Variants in ATXN1 observed in about 807,000 individuals in gnomAD.
ATXN1 encodes the protein ataxin-1.
In ATXN1, 8 loss-of-function variants were observed where a neutral mutation model predicts 56.4. The observed-to-expected ratio is 0.14, with a 90% CI of 0.08 to 0.26. The LOEUF is 0.26. Among genes scored for constraint, ATXN1 ranks in the 10% least tolerant of loss-of-function variants. The pLI, the probability that ATXN1 is intolerant of heterozygous loss-of-function variation, is 1.00. For missense variants in ATXN1, 987 were observed against 1,106.5 expected (o/e 0.89, Z 1.53); for synonymous variants, 514 against 494.6 (o/e 1.04, Z -0.52).
chr6:16,318,425 G>A (rs988384608), intron 7 of ATXN1, among the ~76,000 whole-genome samples: 1 of 152,136 alleles, frequency 6.6e-6, no homozygotes, highest in Non-Finnish European at 1.5e-5. Flanking sequence ...TTTACCTGTA[G>A]AGAAAGGCCG....
intron 5 of ATXN1, among the ~76,000 whole-genome samples, chr6:16,508,518 T>C (rs933902366): frequency 6.6e-6 from 1 of 152,188 alleles, no homozygotes; most frequent in African/African-American, 2.4e-5. Context: ...GCTGCAGGCC[T>C]GAAGACTCAA....
chr6:16,392,784 T>A (rs1172479786), intron 6 of ATXN1, among the ~76,000 whole-genome samples: 1 of 152,112 alleles, frequency 6.6e-6, no homozygotes, highest in Non-Finnish European at 1.5e-5. Flanking sequence ...GCATGAGCCA[T>A]CGCACACGAC....
chr6:16,414,789 T>C (rs1053022426), intron 6 of ATXN1, among the ~76,000 whole-genome samples: 8 of 152,250 alleles, frequency 5.3e-5, no homozygotes, highest in African/African-American at 2.4e-5. Flanking sequence ...AAAGAGAATA[T>C]GGCCTTTGTC....
chr6:16,539,794 G>A (rs1761676005), intron 4 of ATXN1, among the ~76,000 whole-genome samples: 1 of 152,016 alleles, frequency 6.6e-6, no homozygotes, highest in Admixed American at 6.6e-5. Context: ...ATCAATACAG[G>A]ACACCTCTGC....
chr6:16,749,561 GT>G (rs1307182699), intron 2 of ATXN1, among the ~76,000 whole-genome samples: 1 of 152,152 alleles, frequency 6.6e-6, no homozygotes, highest in Non-Finnish European at 1.5e-5. Context: ...TCAGCACTGA[GT>G]TTCCAAGGTG....
At chr6:16,618,368 T>C (rs1429876540) in intron 3 of ATXN1, among the ~76,000 whole-genome samples, 2 of 152,210 alleles carry the variant, frequency 1.3e-5, no homozygotes, top group African/African-American at 2.4e-5. Context: ...CTATGGCACA[T>C]GTATACCTAT....
chr6:16,573,780 T>C (rs1762373719), intron 4 of ATXN1, among the ~76,000 whole-genome samples: 1 of 152,214 alleles, frequency 6.6e-6, no homozygotes, highest in African/African-American at 2.4e-5. Context: ...CTTTTGTCCC[T>C]GCTGCCACTG....
intron 3 of ATXN1, among the ~76,000 whole-genome samples, chr6:16,639,913 G>A (rs1397949578): frequency 6.6e-6 from 1 of 152,080 alleles, no homozygotes; most frequent in African/African-American, 2.4e-5. Flanking sequence ...TCCAACAGTA[G>A]GCATCACATG....
intron 4 of ATXN1, among the ~76,000 whole-genome samples, chr6:16,572,593 A>C (rs1762352130): frequency 6.6e-6 from 1 of 152,174 alleles, no homozygotes. Flanking sequence ...TCGTGAAATA[A>C]GTGATGAAAA....
At chr6:16,554,589 T>C (rs1011194842) in intron 4 of ATXN1, among the ~76,000 whole-genome samples, 1 of 152,156 alleles carries the variant, frequency 6.6e-6, no homozygotes, top group African/African-American at 2.4e-5. Context: ...GTAGCTGAGA[T>C]TACAGGCGCC....
chr6:16,684,307 G>C (rs114480336), intron 2 of ATXN1, among the ~76,000 whole-genome samples: 245 of 152,286 alleles, frequency 1.6e-3, no homozygotes, highest in Non-Finnish European at 2.8e-3. Context: ...CAAGGATGAT[G>C]TTTTCTAGGG....
At position 16,327,705 on chromosome 6, in the gene ATXN1, C is replaced by CTGA. The variant is rs1760866016; in HGVS notation, c.605_606insTCA (p.Gln201_Gln202insHis). 3.7e-6 allele frequency: 6 copies of CTGA among 1,601,178 alleles called. No homozygotes were observed. Among genetic ancestry groups the CTGA allele is most frequent in the African/African-American group, 2.7e-5 (2 of 74,140 alleles). The stretch of plus-strand genomic sequence containing the variant: ...GCTGATGCTGCTGCTGCTGCTGCTG[C>CTGA]TGCTGCTGCTGCTGCTGCTCAGCCT... On this transcript the variant is annotated inframe_insertion, in exon 7 of 8. Coordinates refer to ENST00000436367, the MANE Select transcript of ATXN1 (RefSeq NM_001128164.2).
intron 6 of ATXN1, among the ~76,000 whole-genome samples, chr6:16,420,361 G>T (rs1006267030): frequency 6.6e-6 from 1 of 152,168 alleles, no homozygotes; most frequent in East Asian, 1.9e-4. Context: ...TGCATTTACT[G>T]TCTGTATCAC....
chr6:16,308,322 T>TCTCTCA (rs1243206488), intron 7 of ATXN1, among the ~76,000 whole-genome samples: 3 of 132,650 alleles, frequency 2.3e-5, no homozygotes, highest in East Asian at 2.6e-4. Context: ...TGAAACTCCG[T>TCTCTCA]CACACACACA....
chr6:16,720,197 G>A (rs954306069), intron 2 of ATXN1, among the ~76,000 whole-genome samples: 1 of 152,052 alleles, frequency 6.6e-6, no homozygotes, highest in African/African-American at 2.4e-5. Context: ...ATACCTTACT[G>A]CAGTCTCTGT....
At chr6:16,408,669 C>A (rs113812627) in intron 6 of ATXN1, among the ~76,000 whole-genome samples, 1,595 of 152,222 alleles carry the variant, frequency 0.01, 19 homozygotes, top group African/African-American at 0.035. Context: ...AATTGAAAAA[C>A]ATTTGACATT....
chr6:16,443,905 A>G (rs1344418239), intron 6 of ATXN1, among the ~76,000 whole-genome samples: 3 of 152,148 alleles, frequency 2.0e-5, no homozygotes, highest in Non-Finnish European at 2.9e-5. Flanking sequence ...TCACAAGGTC[A>G]GGAGATCGAG....
In ATXN1 at chr6:16,327,569, C is replaced by T. The variant is rs771629323; in HGVS notation, c.742G>A (p.Val248Ile). ...SPPPAQQNQYVHISSSPQNTG... is the reference protein window; with the variant it reads ...SPPPAQQNQYIHISSSPQNTG... ...TTCTGCGGAGAACTGGAAATGTGGA[C>T]GTACTGGTTCTGCTGGGCTGGTGGG... The change falls in exon 7 of 8, where the codon GTC becomes ATC. Residue 248 changes from valine (V) to isoleucine (I), a missense_variant. Val to Ile is a conservative substitution (Grantham distance 29, BLOSUM62 3). Around this residue, in one of 3 missense-constraint regions of ATXN1, gnomAD observed 723 missense variants for 791.7 expected, o/e 0.91. Coordinates refer to ENST00000436367, the MANE Select transcript of ATXN1 (RefSeq NM_001128164.2). 1.2e-5 allele frequency: 20 copies of T among 1,602,790 alleles called. No homozygotes were observed. Among genetic ancestry groups the T allele is most frequent in the African/African-American group, 2.7e-5 (2 of 74,664 alleles).
At chr6:16,695,914 T>C (rs994251298) in intron 2 of ATXN1, among the ~76,000 whole-genome samples, 3 of 152,184 alleles carry the variant, frequency 2.0e-5, no homozygotes, top group African/African-American at 7.2e-5. Flanking sequence ...CAGTGAGCTA[T>C]GATGGCACCA....
Sources: allele counts gnomAD v4.1 joint callset (sites outside exome capture counted in the v4.1 genomes callset), GRCh38; gene constraint gnomAD v4.1.1; regional missense constraint gnomAD v4.1.1; transcripts MANE v1.5; gene names NCBI Gene and HGNC (gene_info 2026-07-23, HGNC 2026-07-21).